Variants in RIC8B observed in about 807,000 individuals in gnomAD.
The protein encoded by RIC8B is chaperone Ric-8B.
A neutral mutation model predicts 57.5 loss-of-function variants in RIC8B; 16 were observed. That is an observed-to-expected ratio of 0.28 (90% CI 0.19 to 0.42). RIC8B has a LOEUF of 0.42. RIC8B is among the 10% of genes least tolerant of loss of function. The pLI, the probability that RIC8B is intolerant of heterozygous loss-of-function variation, is 1.00. For missense variants in RIC8B, 481 were observed against 677.0 expected, an observed-to-expected ratio of 0.71 and a Z score of 3.21; for synonymous variants, 216 against 250.8, an observed-to-expected ratio of 0.86 and a Z score of 1.31.
At chr12:106,778,974 C>T (rs769984222) in intron 1 of RIC8B, among the ~76,000 whole-genome samples, 10 of 152,144 alleles carry the variant, frequency 6.6e-5, no homozygotes, top group Admixed American at 1.3e-4. Context: ...AGTGCAATGG[C>T]GCGATCTCGG....
intron 8 of RIC8B, among the ~76,000 whole-genome samples, chr12:106,865,232 A>G (rs1950093691): frequency 6.6e-6 from 1 of 152,156 alleles, no homozygotes; most frequent in African/African-American, 2.4e-5. Flanking sequence ...AGCAGTGTAC[A>G]AGGGTTCCCT....
chr12:106,847,218 G>C (rs1328158676), intron 6 of RIC8B, among the ~76,000 whole-genome samples: 1 of 152,098 alleles, frequency 6.6e-6, no homozygotes, highest in Non-Finnish European at 1.5e-5. Context: ...ATTTGTCAAA[G>C]AAAAAATTTG....
chr12:106,851,103 A>G (rs1379919926), intron 6 of RIC8B, among the ~76,000 whole-genome samples: 1 of 152,182 alleles, frequency 6.6e-6, no homozygotes, highest in Non-Finnish European at 1.5e-5. Flanking sequence ...TCTTCATGGA[A>G]GAAAGAGAAA....
intron 9 of RIC8B, among the ~76,000 whole-genome samples, chr12:106,880,458 A>G (rs1394363276): frequency 6.6e-6 from 1 of 152,030 alleles, no homozygotes; most frequent in Non-Finnish European, 1.5e-5. Context: ...AGATGGGGAG[A>G]CTCAAGCCCA....
At chr12:106,876,381 A>G (rs762652610) in intron 9 of RIC8B, among the ~76,000 whole-genome samples, 16 of 152,168 alleles carry the variant, frequency 1.1e-4, no homozygotes, top group African/African-American at 2.2e-4. Flanking sequence ...TTCTTTTTCA[A>G]TGTGGCTACT....
chr12:106,826,714 C>T (rs1004433505), intron 4 of RIC8B, among the ~76,000 whole-genome samples: 2 of 152,086 alleles, frequency 1.3e-5, no homozygotes, highest in African/African-American at 2.4e-5. Context: ...AAGGTCGCAC[C>T]GTTGCACTCC....
At position 106,888,743 on chromosome 12, in the gene RIC8B, G is replaced by A. The variant is rs745386365; in HGVS notation, c.*2728G>A. 3 of 152,544 alleles carry A rather than the reference G, an allele frequency of 2.0e-5. No individual in the cohort carries two copies. The highest frequency in any genetic ancestry group is 4.4e-5 in the Non-Finnish European group (3 of 68,060). The allele number at this position is 152,544 out of a possible 1,614,324, so 9.4% of individuals were successfully genotyped here. A position where few individuals can be genotyped will look rare whatever the true frequency, so the allele number is the denominator to read the frequency against. ...CCAATGAAGACCTGGAATCCGTTAG[G>A]ATAGGCCAGGGACCAAGGCTGCAGG... On this transcript the variant is annotated 3_prime_UTR_variant, in exon 10 of 10. Transcript: ENST00000392837.
chr12:106,825,845 C>CTTCATTGGGATAT, intron 4 of RIC8B, 25 bp downstream of exon 4: 1 of 1,447,266 alleles, frequency 6.9e-7, no homozygotes, highest in Non-Finnish European at 9.7e-7. Context: ...TATTGATATC[C>CTTCATTGGGATAT]CAATGAAGGA....
intron 2 of RIC8B, among the ~76,000 whole-genome samples, chr12:106,812,523 T>C (rs949694507): frequency 2.6e-5 from 4 of 152,068 alleles, no homozygotes; most frequent in African/African-American, 9.7e-5. Context: ...CTTTTAGATA[T>C]GTAGAACTCC....
At chr12:106,792,379 G>C (rs2044295906) in intron 2 of RIC8B, among the ~76,000 whole-genome samples, 1 of 152,162 alleles carries the variant, frequency 6.6e-6, no homozygotes, top group South Asian at 2.1e-4. Context: ...GTCTATACAT[G>C]ATCGTTGGAT....
chr12:106,884,151 G>T (rs887663709), intron 9 of RIC8B, among the ~76,000 whole-genome samples: 1 of 152,216 alleles, frequency 6.6e-6, no homozygotes, highest in Non-Finnish European at 1.5e-5. Flanking sequence ...CAGGCAGCCT[G>T]GTCAGTGCTT....
At chr12:106,832,290 T>C (rs1333232256) in intron 4 of RIC8B, among the ~76,000 whole-genome samples, 1 of 152,180 alleles carries the variant, frequency 6.6e-6, no homozygotes, top group Non-Finnish European at 1.5e-5. Flanking sequence ...TTATTGTTTC[T>C]CTCCTTCATT....
intron 2 of RIC8B, chr12:106,797,943 T>G (rs567176328): frequency 1.0e-5 from 7 of 671,446 alleles, no homozygotes; most frequent in Non-Finnish European, 1.9e-5. Flanking sequence ...GTTGTGTAGT[T>G]TATGAATCGA....
chr12:106,781,209 C>A (rs1052052925), intron 1 of RIC8B, among the ~76,000 whole-genome samples: 1 of 152,152 alleles, frequency 6.6e-6, no homozygotes. Context: ...CTCAGCCCCC[C>A]AAAGTGTTAG....
chr12:106,780,834 G>A (rs2043732531), intron 1 of RIC8B, among the ~76,000 whole-genome samples: 1 of 152,182 alleles, frequency 6.6e-6, no homozygotes, highest in Non-Finnish European at 1.5e-5. Flanking sequence ...CCACACCATA[G>A]GTTATTCAAC....
At chr12:106,839,222 A>C (rs1020501104) in intron 4 of RIC8B, among the ~76,000 whole-genome samples, 1 of 152,238 alleles carries the variant, frequency 6.6e-6, no homozygotes, top group Non-Finnish European at 1.5e-5. Context: ...CATTTTCATC[A>C]CATGGTCCTT....
At position 106,879,531 on chromosome 12, in the gene RIC8B, C is replaced by T; in HGVS notation, c.1572-6373C>T. ...GGCTCAGGAAAATGTTAAAATATAT[C>T]TGGAAAAAAAAAACAGACCAGAATA... On this transcript the variant is annotated intron_variant, in intron 9 of 9. Transcript: ENST00000392837. This position sits in a 1 kb window ranked among gnomAD's most constrained non-coding sequence, Gnocchi z 4.9. 1.0e-6 allele frequency: 1 copy of T among 984,296 alleles called. No homozygotes were observed. The highest frequency in any genetic ancestry group is 1.2e-6 in the Non-Finnish European group (1 of 829,520). 61.0% of individuals were successfully genotyped at this position (984,296 alleles called of 1,614,324 possible). A position where few individuals can be genotyped will look rare whatever the true frequency, so the allele number is the denominator to read the frequency against.
intron 6 of RIC8B, 68 bp downstream of exon 6, chr12:106,844,015 T>C: frequency 1.9e-6 from 2 of 1,057,092 alleles, no homozygotes; most frequent in Non-Finnish European, 2.9e-6. Flanking sequence ...ATAGAATTAA[T>C]TGAATTTTCT....
intron 2 of RIC8B, among the ~76,000 whole-genome samples, chr12:106,795,577 T>G (rs2044442467): frequency 6.6e-6 from 1 of 152,200 alleles, no homozygotes; most frequent in South Asian, 2.1e-4. Context: ...CATCTTATTA[T>G]GCAAATGAAC....
Sources: gnomAD v4.1 joint callset for allele counts (sites outside exome capture counted in the v4.1 genomes callset) on GRCh38, gnomAD v4.1.1 for gene constraint, Gnocchi (gnomAD v3.1) non-coding constraint, MANE v1.5 for transcripts, NCBI Gene and HGNC (gene_info 2026-07-23, HGNC 2026-07-21) for gene names.